The following KCNMA1 variants were observed in gnomAD, a reference collection of about 807,000 sequenced individuals.
KCNMA1 encodes the protein Calcium-activated potassium channel subunit alpha-1.
A neutral mutation model predicts 140.0 loss-of-function variants in KCNMA1; 29 were observed. That is an observed-to-expected ratio of 0.21 (90% CI 0.15 to 0.28). The LOEUF is 0.28. KCNMA1 is among the 10% of genes least tolerant of loss of function. The probability of loss-of-function intolerance (pLI) is 1.00; values close to 1 mark genes in which losing one functional copy is unlikely to be tolerated. For missense variants in KCNMA1, 880 were observed against 1,602.2 expected, an observed-to-expected ratio of 0.55 and a Z score of 7.70; for synonymous variants, 612 against 611.9, an observed-to-expected ratio of 1.00 and a Z score of 0.00.
intron 1 of KCNMA1, among the ~76,000 whole-genome samples, chr10:77,627,532 A>C (rs922636771): frequency 2.8e-4 from 42 of 152,218 alleles, no homozygotes; most frequent in African/African-American, 9.7e-4. Flanking sequence ...AGGAGGACGA[A>C]GAACCCAGGG....
At chr10:77,371,601 T>A (rs561693806) in intron 2 of KCNMA1, among the ~76,000 whole-genome samples, 43 of 152,288 alleles carry the variant, frequency 2.8e-4, no homozygotes, top group Non-Finnish European at 5.0e-4. Flanking sequence ...AGGCAGCTGC[T>A]CCCTTCATCT....
At chr10:77,343,992 C>T (rs2091588921) in intron 2 of KCNMA1, among the ~76,000 whole-genome samples, 1 of 152,228 alleles carries the variant, frequency 6.6e-6, no homozygotes, top group Non-Finnish European at 1.5e-5. Context: ...GCTCCGCCAT[C>T]TTGCACTGCA....
At chr10:77,585,120 G>T (rs1284606324) in intron 1 of KCNMA1, among the ~76,000 whole-genome samples, 1 of 152,158 alleles carries the variant, frequency 6.6e-6, no homozygotes, top group Non-Finnish European at 1.5e-5. Flanking sequence ...CCACATGCTG[G>T]GCAGTTTGCT....
intron 15 of KCNMA1, among the ~76,000 whole-genome samples, chr10:77,033,999 T>C (rs1238459387): frequency 1.3e-5 from 2 of 152,170 alleles, no homozygotes; most frequent in Admixed American, 1.3e-4. Context: ...CCCAGCACTT[T>C]GGGAGGCCAA....
At chr10:77,190,466 C>T (rs1386361830) in intron 3 of KCNMA1, among the ~76,000 whole-genome samples, 1 of 152,174 alleles carries the variant, frequency 6.6e-6, no homozygotes, top group Non-Finnish European at 1.5e-5. Context: ...TGCCATACCA[C>T]TTCCTCTCCA....
intron 5 of KCNMA1, among the ~76,000 whole-genome samples, chr10:77,140,997 T>C (rs1387188448): frequency 6.7e-6 from 1 of 150,112 alleles, no homozygotes; most frequent in Non-Finnish European, 1.5e-5. Flanking sequence ...GCTTAACAAC[T>C]GAGGACTCAT....
rs558727027 is a variant in KCNMA1 at position 77,124,173 on chromosome 10, T to C, written c.809-3125A>G. On this transcript the variant is annotated intron_variant, in intron 5 of 27. Transcript: ENST00000286628. Reference sequence around the variant, plus strand: ...TAATCCTGAACATTCTGTGTGTGCATAGATATGCTTTTATTTATGGAACTA... The same window carrying C: ...TAATCCTGAACATTCTGTGTGTGCACAGATATGCTTTTATTTATGGAACTA... Among the ~76,000 whole-genome samples, 37 of 152,356 alleles carry C rather than the reference T, an allele frequency of 2.4e-4. 1 individual carries two copies. The South Asian group carries it at 7.2e-3, about 30-fold the overall frequency.
At position 76,941,018 on chromosome 10, in the gene KCNMA1, G is replaced by GAAGGAAGGAAGGAAGGAAGAAAGA. The variant is rs1554960623; in HGVS notation, c.2902+3754_2902+3755insTCTTTCTTCCTTCCTTCCTTCCTT. 2.1e-3 allele frequency among the ~76,000 whole-genome samples: 81 copies of GAAGGAAGGAAGGAAGGAAGAAAGA among 38,220 alleles called. No individual in the cohort carries two copies. In the East Asian group the frequency reaches 0.045, roughly 21 times the overall value. The allele number at this position is 38,220 out of a possible 152,430, so 25.1% of individuals were successfully genotyped here. ...GAAAGAAAGGAAGGAAGGAAGGAAG[G>GAAGGAAGGAAGGAAGGAAGAAAGA]AAGAAAGAAAGAAAGAAAGAAAGAA... On this transcript the variant is annotated intron_variant, in intron 23 of 27. Coordinates refer to ENST00000286628, the MANE Select transcript of KCNMA1 (RefSeq NM_001161352.2).
At chr10:77,565,227 G>C (rs2067805834) in intron 1 of KCNMA1, among the ~76,000 whole-genome samples, 1 of 152,126 alleles carries the variant, frequency 6.6e-6, no homozygotes. Flanking sequence ...TCCAGGCTCA[G>C]GGATTCCAGG....
At chr10:77,466,723 G>C (rs1358372687) in intron 1 of KCNMA1, among the ~76,000 whole-genome samples, 1 of 152,140 alleles carries the variant, frequency 6.6e-6, no homozygotes, top group Non-Finnish European at 1.5e-5. Flanking sequence ...AGGTAAGGAG[G>C]GGAGAATATG....
chr10:77,537,156 G>C (rs1018257740), intron 1 of KCNMA1, among the ~76,000 whole-genome samples: 3 of 152,182 alleles, frequency 2.0e-5, no homozygotes, highest in Non-Finnish European at 2.9e-5. Flanking sequence ...GACAGGAACT[G>C]TGTCACCTAA....
At chr10:77,580,380 C>CAAAA (rs35626401) in intron 1 of KCNMA1, among the ~76,000 whole-genome samples, 1 of 95,522 alleles carries the variant, frequency 1.0e-5, no homozygotes, top group Admixed American at 1.1e-4. Context: ...GACTCCATCT[C>CAAAA]AAAAAAAAAA....
intron 1 of KCNMA1, among the ~76,000 whole-genome samples, chr10:77,600,103 G>A (rs1159335633): frequency 6.6e-6 from 1 of 152,194 alleles, no homozygotes; most frequent in Non-Finnish European, 1.5e-5. Context: ...TCAGGATTCT[G>A]ATGCAAAGAC....
intron 19 of KCNMA1, among the ~76,000 whole-genome samples, chr10:76,993,987 G>C (rs1186930912): frequency 6.6e-6 from 1 of 152,156 alleles, no homozygotes; most frequent in Non-Finnish European, 1.5e-5. Flanking sequence ...TCCTCCCTTG[G>C]AGATTAAGTG....
At chr10:77,619,264 G>T (rs1489601572) in intron 1 of KCNMA1, among the ~76,000 whole-genome samples, 1 of 151,904 alleles carries the variant, frequency 6.6e-6, no homozygotes, top group African/African-American at 2.4e-5. Flanking sequence ...TTCCATGATG[G>T]CATCTTCACA....
chr10:77,306,250 A>G (rs779251071), intron 2 of KCNMA1, among the ~76,000 whole-genome samples: 5 of 152,214 alleles, frequency 3.3e-5, no homozygotes, highest in Non-Finnish European at 7.3e-5. Context: ...GAAAGAGGAG[A>G]CAGACACTAA....
intron 9 of KCNMA1, among the ~76,000 whole-genome samples, chr10:77,092,512 C>T (rs562859095): frequency 1.2e-4 from 18 of 152,130 alleles, no homozygotes; most frequent in Non-Finnish European, 2.5e-4. Flanking sequence ...GAATCCAATG[C>T]GTGGGTATCT....
At chr10:77,628,969 T>G (rs2092868421) in intron 1 of KCNMA1, among the ~76,000 whole-genome samples, 2 of 152,208 alleles carry the variant, frequency 1.3e-5, no homozygotes, top group East Asian at 3.8e-4. Context: ...CCACTGGATC[T>G]GAGTCCCCAA....
intron 6 of KCNMA1, among the ~76,000 whole-genome samples, chr10:77,120,456 T>C (rs1475103011): frequency 6.6e-6 from 1 of 152,212 alleles, no homozygotes; most frequent in East Asian, 1.9e-4. Context: ...GGATATAAAG[T>C]GAACATCTAA....
Sources: gnomAD v4.1 joint callset for allele counts (sites outside exome capture counted in the v4.1 genomes callset) on GRCh38, gnomAD v4.1.1 for gene constraint, MANE v1.5 for transcripts, NCBI Gene and HGNC (gene_info 2026-07-23, HGNC 2026-07-21) for gene names.